Variants in KNCN observed in about 807,000 individuals in gnomAD.
KNCN encodes the protein kinocilin.
KNCN carries 11 observed loss-of-function variants against 10.4 expected under a neutral mutation model. The observed-to-expected ratio is 1.06, with a 90% CI of 0.67 to 1.75. KNCN has a LOEUF of 1.75. Ranked by LOEUF, KNCN falls within the 40% of genes most tolerant of loss-of-function variation. KNCN has a pLI of 0.00. For synonymous variants in KNCN, 67 were observed against 71.6 expected (o/e 0.94, Z 0.33); for missense variants, 172 against 167.1 (o/e 1.03, Z -0.16).
At position 46,549,920 on chromosome 1, in the gene KNCN, GGGAGAGGCCTCACCTATGGTAGGCA is replaced by G; in HGVS notation, c.209_220+13del. The G allele has an allele frequency of 6.4e-7, 1 of 1,550,616 alleles. No individual in the cohort carries two copies. The highest frequency in any genetic ancestry group is 8.7e-7 in the Non-Finnish European group (1 of 1,146,986). ...TTGGCAGAGGGGTCTGCTGGGGTCA[GGGAGAGGCCTCACCTATGGTAGGCA>G]GGATGTGGTCCAGGTTGAACCGAGC... On this transcript the variant is annotated splice_donor_variant and splice_donor_5th_base_variant and coding_sequence_variant and intron_variant, in exon 2 of 4. Transcript: ENST00000481882. LOFTEE classifies it high-confidence loss of function.
Position 46,547,743 on chromosome 1 carries a change from G to C in KNCN, c.362C>G (p.Ala121Gly), listed in dbSNP as rs373537843. ...TCAGACTTTGCCTCAGCATTCCTCA[G>C]CCCCCCGGGTCCCCGGCTTCAGCTT... ...LEKLKPGTRGAEEC is the reference protein window; with the variant it reads ...LEKLKPGTRGGEEC The change falls in exon 4 of 4, where the codon GCT (alanine) becomes GGT (glycine). Residue 121 changes from alanine (A) to glycine (G), a missense_variant. By Grantham distance (60) the Ala-to-Gly change is moderately conservative (BLOSUM62 0). Coordinates refer to ENST00000481882, the MANE Select transcript of KNCN (RefSeq NM_001322255.2). The C allele has an allele frequency of 4.7e-6, 7 of 1,489,736 alleles. No homozygotes were observed. The highest frequency in any genetic ancestry group is 6.3e-6 in the Non-Finnish European group (7 of 1,119,792). 92.3% of individuals were successfully genotyped at this position (1,489,736 alleles called of 1,614,324 possible). A position where few individuals can be genotyped will look rare whatever the true frequency, so the allele number is the denominator to read the frequency against.
At chr1:46,550,922 CG>C in intron 1 of KNCN, 142 bp downstream of exon 1, 1 of 740,360 alleles carries the variant, frequency 1.4e-6, no homozygotes. Context: ...CCCCTGATGG[CG>C]GCCTTGCTCA....
Position 46,547,673 on chromosome 1 carries a change from A to T in KNCN, c.*57T>A. On this transcript the variant is annotated 3_prime_UTR_variant, in exon 4 of 4. Transcript: ENST00000481882. ...TCTCCTAACCCAGGAGGGCACTGACATAGGGGCAGCAGGCAGGATGGGAGG... is the reference window on the plus strand; with the variant it reads ...TCTCCTAACCCAGGAGGGCACTGACTTAGGGGCAGCAGGCAGGATGGGAGG... 1 of 1,352,176 alleles carries T rather than the reference A, an allele frequency of 7.4e-7. No individual in the cohort carries two copies. The highest frequency in any genetic ancestry group is 1.0e-6 in the Non-Finnish European group (1 of 967,322). 83.8% of individuals were successfully genotyped at this position (1,352,176 alleles called of 1,614,324 possible). A position where few individuals can be genotyped will look rare whatever the true frequency, so the allele number is the denominator to read the frequency against.
At chr1:46,547,959 A>AGG (rs1666982829) in intron 3 of KNCN, 150 bp from the exon 4 acceptor site, 1 of 554,486 alleles carries the variant, frequency 1.8e-6, no homozygotes, top group Non-Finnish European at 3.2e-6. Context: ...GGAGCATCCC[A>AGG]GGGGACAGTT....
Position 46,547,287 on chromosome 1 carries a change from G to T in KNCN, c.*443C>A, listed in dbSNP as rs1222440539. ...AGAGCCCCTGGGCTAGACCGTGGGGGTGGAGGGTCCCTGTCTGTGGTTCTT... is the reference window on the plus strand; with the variant it reads ...AGAGCCCCTGGGCTAGACCGTGGGGTTGGAGGGTCCCTGTCTGTGGTTCTT... On this transcript the variant is annotated 3_prime_UTR_variant, in exon 4 of 4. Transcript: ENST00000481882. The T allele has an allele frequency of 4.7e-6, 2 of 425,866 alleles. No individual in the cohort carries two copies. The highest frequency in any genetic ancestry group is 9.4e-6 in the Non-Finnish European group (2 of 212,436). 26.4% of individuals were successfully genotyped at this position (425,866 alleles called of 1,614,324 possible).
Position 46,547,640 on chromosome 1 carries a change from G to T in KNCN, c.*90C>A, listed in dbSNP as rs41294770. On this transcript the variant is annotated 3_prime_UTR_variant, in exon 4 of 4. Coordinates refer to ENST00000481882, the MANE Select transcript of KNCN (RefSeq NM_001322255.2). ...GGTCTGCAGGGCCTGGCTTGTCTCC[G>T]GTCCGGGTCTCCTAACCCAGGAGGG... 2 of 1,016,338 alleles carry T rather than the reference G, an allele frequency of 2.0e-6. No individual in the cohort carries two copies. The highest frequency in any genetic ancestry group is 3.0e-6 in the Non-Finnish European group (2 of 658,492). 63.0% of individuals were successfully genotyped at this position (1,016,338 alleles called of 1,614,324 possible). A position where few individuals can be genotyped will look rare whatever the true frequency, so the allele number is the denominator to read the frequency against.
chr1:46,547,862 G>T, intron 3 of KNCN, 53 bp from the exon 4 acceptor site: 1 of 1,334,500 alleles, frequency 7.5e-7, no homozygotes, highest in Middle Eastern at 2.7e-4. Flanking sequence ...TCCCCATGGA[G>T]TTGTCAGGGT....
chr1:46,550,585 G>A (rs1317690862), intron 1 of KNCN, among the ~76,000 whole-genome samples: 4 of 152,166 alleles, frequency 2.6e-5, no homozygotes, highest in African/African-American at 9.7e-5. Flanking sequence ...GCGTCACTGC[G>A]GGGCAATCAG....
At chr1:46,549,905 G>A (rs1298141432) in intron 2 of KNCN, 29 bp downstream of exon 2, 1 of 1,550,444 alleles carries the variant, frequency 6.4e-7, no homozygotes, top group Non-Finnish European at 8.7e-7. Flanking sequence ...TTGGCAGAGG[G>A]GTCTGCTGGG....
chr1:46,551,498 A>C lies in KNCN; in HGVS notation c.-283T>G. ...TCTGAAGCTGAAGCCCACCCTTGGG[A>C]CTCCTGTCTGGCTACATTTCTGCTT... On this transcript the variant is annotated 5_prime_UTR_variant, in exon 1 of 4. Coordinates refer to ENST00000481882, the MANE Select transcript of KNCN (RefSeq NM_001322255.2). The surrounding 1 kb of genome is among the most constrained non-coding windows in gnomAD (Gnocchi z 4.0). 1 of 347,588 alleles carries C rather than the reference A, an allele frequency of 2.9e-6. No individual in the cohort carries two copies. Among genetic ancestry groups the C allele is most frequent in the South Asian group, 4.1e-5 (1 of 24,492 alleles). The allele number at this position is 347,588 out of a possible 1,614,324, so 21.5% of individuals were successfully genotyped here. A position where few individuals can be genotyped will look rare whatever the true frequency, so the allele number is the denominator to read the frequency against.
intron 1 of KNCN, among the ~76,000 whole-genome samples, chr1:46,550,554 T>G (rs1667045634): frequency 6.8e-6 from 1 of 147,914 alleles, no homozygotes; most frequent in African/African-American, 2.5e-5. Flanking sequence ...TGAGGTGAGG[T>G]GAGGTGAGGG....
In KNCN at chr1:46,549,979, AG is replaced by A; in HGVS notation, c.174del (p.Phe59SerfsTer2). On this transcript the variant is annotated frameshift_variant, in exon 2 of 4. Transcript: ENST00000481882. LOFTEE classifies it high-confidence loss of function. ...AVLGLLILAY[P>X]FLKARFNLDH... ...TCCAGGTTGAACCGAGCCTTCAGGA[AG>A]GGGTAGGCCAAGATGAGGAGCCCTG... The A allele has an allele frequency of 6.4e-7, 1 of 1,550,610 alleles. No homozygotes were observed. Among genetic ancestry groups the A allele is most frequent in the Non-Finnish European group, 8.7e-7 (1 of 1,146,974 alleles).
chr1:46,550,407 G>A (rs1246036956), intron 1 of KNCN, among the ~76,000 whole-genome samples: 2 of 152,168 alleles, frequency 1.3e-5, no homozygotes, highest in African/African-American at 4.8e-5. Context: ...GAGCAGTGGA[G>A]CCAGTCCTGC....
Position 46,547,733 on chromosome 1 carries a change from G to C in KNCN, c.372C>G (p.Cys124Trp). ...LKPGTRGAEE[C>W] The stretch of plus-strand genomic sequence containing the variant: ...GGGCAGCCGCTCAGACTTTGCCTCA[G>C]CATTCCTCAGCCCCCCGGGTCCCCG... Residue 124 changes from cysteine to tryptophan, a missense_variant, in exon 4 of 4, where the codon TGC becomes TGG. Physicochemically the swap from Cys to Trp is radical, Grantham distance 215. Coordinates refer to ENST00000481882, the MANE Select transcript of KNCN (RefSeq NM_001322255.2). The C allele has an allele frequency of 6.7e-7, 1 of 1,500,398 alleles. No homozygotes were observed. The highest frequency in any genetic ancestry group is 8.9e-7 in the Non-Finnish European group (1 of 1,123,692). 92.9% of individuals were successfully genotyped at this position (1,500,398 alleles called of 1,614,324 possible).
chr1:46,551,336 G>A lies in KNCN; in HGVS notation c.-121C>T, dbSNP rs1667063147. ...TCCAACTTCAGGGTAGGAGTTTCTG[G>A]GCAGTAAGATGATAGGTGGGGAACC... On this transcript the variant is annotated 5_prime_UTR_variant, in exon 1 of 4. Transcript: ENST00000481882. The surrounding 1 kb of genome is among the most constrained non-coding windows in gnomAD (Gnocchi z 4.0). The A allele has an allele frequency of 1.2e-5, 14 of 1,162,758 alleles. No individual in the cohort carries two copies. Among genetic ancestry groups the A allele is most frequent in the Non-Finnish European group, 1.4e-5 (12 of 830,838 alleles). 72.0% of individuals were successfully genotyped at this position (1,162,758 alleles called of 1,614,324 possible). A position where few individuals can be genotyped will look rare whatever the true frequency, so the allele number is the denominator to read the frequency against.
At chr1:46,550,386 C>T (rs1320690634) in intron 1 of KNCN, among the ~76,000 whole-genome samples, 2 of 152,182 alleles carry the variant, frequency 1.3e-5, no homozygotes, top group East Asian at 3.9e-4. Context: ...CCACCCAGAC[C>T]TGGGGAGCAG....
Position 46,547,269 on chromosome 1 carries a change from C to A in KNCN, c.*461G>T. ...ATTGGGCTAGTGAGCTCTAGAGCCC[C>A]TGGGCTAGACCGTGGGGGTGGAGGG... On this transcript the variant is annotated 3_prime_UTR_variant, in exon 4 of 4. Transcript: ENST00000481882. The A allele has an allele frequency of 2.5e-6, 1 of 395,986 alleles. No homozygotes were observed. The highest frequency in any genetic ancestry group is 3.0e-5 in the Admixed American group (1 of 32,954). 24.5% of individuals were successfully genotyped at this position (395,986 alleles called of 1,614,324 possible). A position where few individuals can be genotyped will look rare whatever the true frequency, so the allele number is the denominator to read the frequency against.
chr1:46,549,092 G>T, intron 3 of KNCN, 101 bp downstream of exon 3: 1 of 853,594 alleles, frequency 1.2e-6, no homozygotes. Flanking sequence ...AGTGAGCCGA[G>T]ATCATGCCAT....
In KNCN at chr1:46,547,176, T is replaced by C; in HGVS notation, c.*554A>G. The C allele has an allele frequency of 2.8e-6, 1 of 354,690 alleles. No individual in the cohort carries two copies. The highest frequency in any genetic ancestry group is 5.6e-6 in the Non-Finnish European group (1 of 180,010). 22.0% of individuals were successfully genotyped at this position (354,690 alleles called of 1,614,324 possible). On this transcript the variant is annotated 3_prime_UTR_variant, in exon 4 of 4. Transcript: ENST00000481882. ...ATTCCCCCATCTGATTCACTGCTGC[T>C]CAGAGCCTGTCCCTGAGGAACTGCC... is the stretch of plus-strand genomic sequence containing the variant.
Sources: gnomAD v4.1 joint callset for allele counts (sites outside exome capture counted in the v4.1 genomes callset) on GRCh38, gnomAD v4.1.1 for gene constraint, Gnocchi (gnomAD v3.1) non-coding constraint, MANE v1.5 for transcripts, NCBI Gene and HGNC (gene_info 2026-07-23, HGNC 2026-07-21) for gene names.